Variants in ERG observed in about 807,000 individuals in gnomAD.
ERG encodes ETS transcription factor ERG.
A neutral mutation model predicts 55.3 loss-of-function variants in ERG; 9 were observed. That is an observed-to-expected ratio of 0.16 (90% CI 0.10 to 0.28). The LOEUF is 0.28. ERG is among the 10% of genes least tolerant of loss of function. The pLI, the probability that ERG is intolerant of heterozygous loss-of-function variation, is 1.00. For synonymous variants in ERG, 223 were observed against 237.3 expected, an observed-to-expected ratio of 0.94 and a Z score of 0.55; for missense variants, 434 against 631.6, an observed-to-expected ratio of 0.69 and a Z score of 3.35.
chr21:38,400,276 A>T, intron 6 of ERG: 1 of 500,968 alleles, frequency 2.0e-6, no homozygotes, highest in South Asian at 1.9e-5. Flanking sequence ...TCCTTCTGTT[A>T]GTTCAAAAGT....
At chr21:38,391,784 C>A in intron 7 of ERG, 69 bp from the exon 8 acceptor site, 1 of 1,217,582 alleles carries the variant, frequency 8.2e-7, no homozygotes, top group Non-Finnish European at 1.2e-6. Flanking sequence ...GATGTTGTTG[C>A]ATAATCATTC....
rs949916394 is a variant in ERG at position 38,625,727 on chromosome 21, G to C, written c.-150+35931C>G. On this transcript the variant is annotated intron_variant, in intron 1 of 10. Transcript: ENST00000398910. ...CAACCTATATTCATTTTCACATCAA[G>C]ACTTTATTTTTGAACAGGTTCCAGG... Among the ~76,000 whole-genome samples, 29 of 151,994 alleles carry C rather than the reference G, an allele frequency of 1.9e-4. 1 individual carries two copies. Among genetic ancestry groups the C allele is most frequent in the Non-Finnish European group, 1.9e-4 (13 of 68,022 alleles).
chr21:38,440,289 G>A lies in ERG; in HGVS notation c.236+5115C>T, dbSNP rs568851505. 3.3e-5 allele frequency among the ~76,000 whole-genome samples: 5 copies of A among 152,336 alleles called. No homozygotes were observed. In the South Asian group the frequency reaches 8.3e-4, roughly 25 times the overall value. Reference sequence around the variant, plus strand: ...AGGATGCAGGTGCAGGTAGTGGAGCGTTGAGGAGCTGCACTCCTGGCGGGG... The same window carrying A: ...AGGATGCAGGTGCAGGTAGTGGAGCATTGAGGAGCTGCACTCCTGGCGGGG... On this transcript the variant is annotated intron_variant, in intron 2 of 9. Coordinates refer to ENST00000288319, the MANE Select transcript of ERG (RefSeq NM_182918.4).
chr21:38,487,491 G>T (rs950764563), intron 1 of ERG, among the ~76,000 whole-genome samples: 1 of 152,184 alleles, frequency 6.6e-6, no homozygotes, highest in African/African-American at 2.4e-5. Context: ...AGCCAGGCAA[G>T]GGAGATTTTC....
chr21:38,487,889 A>G (rs2059301177), intron 1 of ERG, among the ~76,000 whole-genome samples: 1 of 152,244 alleles, frequency 6.6e-6, no homozygotes, highest in Admixed American at 6.5e-5. Context: ...TTTCACTTCA[A>G]TTCAATTTCA....
At chr21:38,430,653 G>A (rs572628371) in intron 2 of ERG, among the ~76,000 whole-genome samples, 2 of 152,272 alleles carry the variant, frequency 1.3e-5, no homozygotes, top group East Asian at 1.9e-4. Context: ...CCCAAGAGGT[G>A]GGGGGCTGGT....
chr21:38,402,913 C>T (rs1481931184), intron 4 of ERG, among the ~76,000 whole-genome samples: 1 of 152,116 alleles, frequency 6.6e-6, no homozygotes, highest in Admixed American at 6.6e-5. Context: ...AATTTATCCA[C>T]CTCACTGTCT....
In ERG at chr21:38,447,437, A is replaced by G. The variant is rs1441743293; in HGVS notation, c.19-1816T>C. Among the ~76,000 whole-genome samples the G allele has an allele frequency of 2.6e-5, 4 of 151,154 alleles. No homozygotes were observed. The Admixed American group carries it at 2.6e-4, about 10-fold the overall frequency. ...AGAACCAGAATCAGGCACAAGGGAA[A>G]AAAGTCATCTTGAATAGACAGCAAA... On this transcript the variant is annotated intron_variant, in intron 1 of 9. Coordinates refer to ENST00000288319, the MANE Select transcript of ERG (RefSeq NM_182918.4).
In ERG at chr21:38,575,815, G is replaced by A. The variant is rs1767354698; in HGVS notation, c.-126-68C>T. On this transcript the variant is annotated intron_variant, in intron 1 of 8. Coordinates refer to the ERG transcript ENST00000398897. ...CATTTCTGTGTTTTATGTTCTAGCA[G>A]GACAGGACACAATTCACCAATGGCA... 5 of 1,210,604 alleles carry A rather than the reference G, an allele frequency of 4.1e-6. No individual in the cohort carries two copies. In the Admixed American group the frequency reaches 9.6e-5, roughly 23 times the overall value. The allele number at this position is 1,210,604 out of a possible 1,614,324, so 75.0% of individuals were successfully genotyped here.
At chr21:38,562,784 C>T (rs556735980) in intron 2 of ERG, among the ~76,000 whole-genome samples, 6 of 152,222 alleles carry the variant, frequency 3.9e-5, no homozygotes, top group African/African-American at 1.4e-4. Flanking sequence ...CCTGGTATCC[C>T]AGCTCCTGCA....
intron 1 of ERG, among the ~76,000 whole-genome samples, chr21:38,623,854 T>C (rs1394255525): frequency 6.6e-6 from 1 of 152,210 alleles, no homozygotes; most frequent in Non-Finnish European, 1.5e-5. Context: ...CTAACAGCCA[T>C]TAGATTTCTT....
At chr21:38,558,872 A>G (rs895864274) in intron 2 of ERG, among the ~76,000 whole-genome samples, 2 of 152,246 alleles carry the variant, frequency 1.3e-5, no homozygotes, top group Admixed American at 1.3e-4. Context: ...ATCAGCACAG[A>G]AAAAGGTGAG....
At chr21:38,437,658 G>A (rs899945405) in intron 2 of ERG, among the ~76,000 whole-genome samples, 2 of 152,156 alleles carry the variant, frequency 1.3e-5, no homozygotes, top group African/African-American at 2.4e-5. Flanking sequence ...TGGTTTGTCC[G>A]TACCTTGTTT....
At chr21:38,637,438 G>A (rs2060396358) in intron 1 of ERG, among the ~76,000 whole-genome samples, 1 of 152,170 alleles carries the variant, frequency 6.6e-6, no homozygotes. Context: ...GGTGAAATGA[G>A]TGATCACGTT....
At chr21:38,579,663 CCACCAGAGTGATCACA>C (rs2060016151) in intron 1 of ERG, among the ~76,000 whole-genome samples, 1 of 152,180 alleles carries the variant, frequency 6.6e-6, no homozygotes, top group Admixed American at 6.5e-5. Flanking sequence ...CACACCGCCA[CCACCAGAGTGATCACA>C]CACCAAAGGG....
At chr21:38,572,833 A>G (rs981624304) in intron 2 of ERG, among the ~76,000 whole-genome samples, 1 of 144,996 alleles carries the variant, frequency 6.9e-6, no homozygotes, top group Non-Finnish European at 1.5e-5. Flanking sequence ...ATTAACCAAT[A>G]CGATCAACCA....
chr21:38,440,417 C>T (rs959096143), intron 2 of ERG, among the ~76,000 whole-genome samples: 2 of 152,216 alleles, frequency 1.3e-5, no homozygotes, highest in African/African-American at 2.4e-5. Flanking sequence ...CTGCCCTGGC[C>T]CCTCGAGCTG....
chr21:38,556,857 T>C (rs1417840886), intron 2 of ERG, among the ~76,000 whole-genome samples: 1 of 152,140 alleles, frequency 6.6e-6, no homozygotes, highest in East Asian at 1.9e-4. Context: ...AGAAATAAAC[T>C]TTGTTTAGAC....
At chr21:38,400,205 T>A in intron 6 of ERG, 1 of 434,288 alleles carries the variant, frequency 2.3e-6, no homozygotes, top group Non-Finnish European at 4.4e-6. Flanking sequence ...ATACTGATAA[T>A]CGGTCACTGT....
Sources: allele counts gnomAD v4.1 joint callset (sites outside exome capture counted in the v4.1 genomes callset), GRCh38; gene constraint gnomAD v4.1.1; transcripts MANE v1.5; gene names NCBI Gene and HGNC (gene_info 2026-07-23, HGNC 2026-07-21).